Variants in TMEM132D observed in about 807,000 individuals in gnomAD.
The protein encoded by TMEM132D is mature OL transmembrane protein.
In TMEM132D, 21 loss-of-function variants were observed where a neutral mutation model predicts 62.3. That is an observed-to-expected ratio of 0.34 (90% CI 0.24 to 0.49). The LOEUF (loss-of-function observed/expected upper bound fraction) is 0.49. Ranked by LOEUF, TMEM132D falls within the 20% of genes least tolerant of loss-of-function variation. The pLI is 0.99. For synonymous variants in TMEM132D, 621 were observed against 575.6 expected, an observed-to-expected ratio of 1.08 and a Z score of -1.13; for missense variants, 1,346 against 1,402.8, an observed-to-expected ratio of 0.96 and a Z score of 0.65.
chr12:129,074,890 CCTT>C lies in TMEM132D; in HGVS notation c.2282_2284del (p.Glu761del). The C allele has an allele frequency of 3.1e-6, 5 of 1,613,916 alleles. No homozygotes were observed. Among genetic ancestry groups the C allele is most frequent in the Non-Finnish European group, 4.2e-6 (5 of 1,180,012 alleles). The stretch of plus-strand genomic sequence containing the variant: ...TTCCACCTTGACCAGGGTGCCTTGT[CCTT>C]CTGTTTCCGCAGCAATGATAGGCCA... On this transcript the variant is annotated inframe_deletion, in exon 9 of 9. Coordinates refer to ENST00000422113, the MANE Select transcript of TMEM132D (RefSeq NM_133448.3).
intron 2 of TMEM132D, among the ~76,000 whole-genome samples, chr12:129,559,925 G>A (rs974196893): frequency 3.3e-5 from 5 of 152,190 alleles, no homozygotes; most frequent in Admixed American, 6.5e-5. Flanking sequence ...TAGCATGCAC[G>A]TGGAATACAG....
intron 1 of TMEM132D, among the ~76,000 whole-genome samples, chr12:129,747,535 C>T (rs1176257741): frequency 5.3e-5 from 8 of 150,958 alleles, no homozygotes; most frequent in Non-Finnish European, 1.0e-4. Flanking sequence ...CATTCAGACA[C>T]ACACACTCTC....
At chr12:129,188,046 G>A (rs1307482637) in intron 5 of TMEM132D, among the ~76,000 whole-genome samples, 2 of 152,236 alleles carry the variant, frequency 1.3e-5, no homozygotes, top group African/African-American at 2.4e-5. Flanking sequence ...AACAATGGCT[G>A]CAGTTTTAAT....
At chr12:129,285,587 C>G (rs925790955) in intron 4 of TMEM132D, among the ~76,000 whole-genome samples, 3 of 149,922 alleles carry the variant, frequency 2.0e-5, no homozygotes, top group African/African-American at 7.4e-5. Flanking sequence ...ATGGGATAAC[C>G]ACTTCCAGAC....
intron 3 of TMEM132D, among the ~76,000 whole-genome samples, chr12:129,404,424 T>C (rs572828663): frequency 1.3e-5 from 2 of 152,300 alleles, no homozygotes; most frequent in Admixed American, 1.3e-4. Flanking sequence ...CTCGAACTCC[T>C]GACCTAAAGT....
intron 2 of TMEM132D, among the ~76,000 whole-genome samples, chr12:129,537,606 GAAGT>G (rs58677154): frequency 0.11 from 17,226 of 152,082 alleles, 3,275 homozygotes; most frequent in African/African-American, 0.39. Context: ...GTTAAATTTA[GAAGT>G]AAGACCTGTG....
intron 3 of TMEM132D, among the ~76,000 whole-genome samples, chr12:129,426,606 A>G (rs939654806): frequency 6.6e-6 from 1 of 152,220 alleles, no homozygotes; most frequent in African/African-American, 2.4e-5. Flanking sequence ...CATGTCTCAG[A>G]TGGTTAAGAC....
intron 2 of TMEM132D, among the ~76,000 whole-genome samples, chr12:129,537,014 G>T (rs957732399): frequency 6.6e-6 from 1 of 151,974 alleles, no homozygotes; most frequent in East Asian, 1.9e-4. Flanking sequence ...AAATTAGCCA[G>T]ATGTGGTGGT....
intron 1 of TMEM132D, among the ~76,000 whole-genome samples, chr12:129,876,618 T>C (rs1467622875): frequency 1.3e-5 from 2 of 152,148 alleles, no homozygotes; most frequent in Non-Finnish European, 2.9e-5. Flanking sequence ...TGGCTTCAGG[T>C]ATGGCTGGAT....
At chr12:129,749,185 A>C (rs1027007226) in intron 1 of TMEM132D, among the ~76,000 whole-genome samples, 1 of 152,206 alleles carries the variant, frequency 6.6e-6, no homozygotes, top group African/African-American at 2.4e-5. Context: ...GACTCTGCAT[A>C]CATGCACACT....
intron 3 of TMEM132D, among the ~76,000 whole-genome samples, chr12:129,444,929 T>C (rs78310958): frequency 6.6e-6 from 1 of 152,206 alleles, no homozygotes; most frequent in Non-Finnish European, 1.5e-5. Flanking sequence ...TGATGATTCC[T>C]CAAAGAACTA....
At chr12:129,743,720 A>G (rs1869683082) in intron 1 of TMEM132D, among the ~76,000 whole-genome samples, 1 of 152,182 alleles carries the variant, frequency 6.6e-6, no homozygotes, top group South Asian at 2.1e-4. Context: ...AGGGATCTTG[A>G]GATGAGAGAT....
At chr12:129,569,326 A>T (rs994336314) in intron 2 of TMEM132D, among the ~76,000 whole-genome samples, 1 of 152,132 alleles carries the variant, frequency 6.6e-6, no homozygotes, top group Non-Finnish European at 1.5e-5. Flanking sequence ...GTAAACTTGG[A>T]TATCTGGGGA....
At chr12:129,747,425 CACAG>C (rs199920174) in intron 1 of TMEM132D, among the ~76,000 whole-genome samples, 2,191 of 151,072 alleles carry the variant, frequency 0.015, 26 homozygotes, top group African/African-American at 0.033. Flanking sequence ...TTCTCACACA[CACAG>C]ACACACACAC....
chr12:129,355,663 A>G (rs1355128719), intron 3 of TMEM132D, among the ~76,000 whole-genome samples: 1 of 152,198 alleles, frequency 6.6e-6, no homozygotes, highest in Non-Finnish European at 1.5e-5. Context: ...TATGGTGGAT[A>G]GTGTCAGCAT....
At position 129,437,183 on chromosome 12, in the gene TMEM132D, T is replaced by C. The variant is rs78054801; in HGVS notation, c.1115+93876A>G. 2.5e-3 allele frequency among the ~76,000 whole-genome samples: 374 copies of C among 152,256 alleles called. 3 individuals are homozygous for C. The highest frequency in any genetic ancestry group is 8.6e-3 in the African/African-American group (356 of 41,548). ...TCATTTCATGGATGATAAGGTCCTT[T>C]GCCCAGGAAGTTGAGGAGGGAGATG... On this transcript the variant is annotated intron_variant, in intron 3 of 8. Coordinates refer to ENST00000422113, the MANE Select transcript of TMEM132D (RefSeq NM_133448.3).
At chr12:129,535,412 AG>A (rs1876353733) in intron 2 of TMEM132D, among the ~76,000 whole-genome samples, 1 of 152,180 alleles carries the variant, frequency 6.6e-6, no homozygotes, top group Non-Finnish European at 1.5e-5. Flanking sequence ...ATTTGGATGG[AG>A]GATTTGCATC....
intron 4 of TMEM132D, among the ~76,000 whole-genome samples, chr12:129,280,360 A>C (rs1180709782): frequency 1.3e-5 from 2 of 152,228 alleles, no homozygotes; most frequent in Non-Finnish European, 2.9e-5. Flanking sequence ...TGACACATGC[A>C]TTTACCCTGG....
chr12:129,583,095 A>G (rs1002417042), intron 2 of TMEM132D, among the ~76,000 whole-genome samples: 2 of 152,212 alleles, frequency 1.3e-5, no homozygotes, highest in Admixed American at 1.3e-4. Flanking sequence ...GGCGTGAGCC[A>G]CTGTGCCCAG....
Sources: allele counts gnomAD v4.1 joint callset (sites outside exome capture counted in the v4.1 genomes callset), GRCh38; gene constraint gnomAD v4.1.1; transcripts MANE v1.5; gene names NCBI Gene and HGNC (gene_info 2026-07-23, HGNC 2026-07-21).